The following CTBP2 variants were observed in gnomAD, a reference collection of about 807,000 sequenced individuals.
The protein encoded by CTBP2 is C-terminal binding protein 2.
A neutral mutation model predicts 80.3 loss-of-function variants in CTBP2; 30 were observed. That is an observed-to-expected ratio of 0.37 (90% CI 0.28 to 0.51). The LOEUF (loss-of-function observed/expected upper bound fraction) is 0.51, where lower values mean the gene tolerates loss of function less well. CTBP2 is among the 20% of genes least tolerant of loss of function. The pLI is 0.93. For synonymous variants in CTBP2, 594 were observed against 587.4 expected (o/e 1.01, Z -0.16); for missense variants, 1,212 against 1,375.3 (o/e 0.88, Z 1.88).
intron 2 of CTBP2, among the ~76,000 whole-genome samples, chr10:125,108,162 C>T (rs772366208): frequency 9.9e-5 from 15 of 152,152 alleles, no homozygotes; most frequent in African/African-American, 3.4e-4. Context: ...AACATGCATC[C>T]GATCTAAATT....
chr10:125,157,405 AAG>A (rs1861119736), intron 1 of CTBP2, among the ~76,000 whole-genome samples: 1 of 140,900 alleles, frequency 7.1e-6, no homozygotes, highest in Non-Finnish European at 1.6e-5. Context: ...AAAAAAAAAA[AAG>A]AGCGGGGGGG....
intron 2 of CTBP2, among the ~76,000 whole-genome samples, chr10:125,092,794 T>C (rs1395977581): frequency 1.3e-5 from 2 of 152,040 alleles, no homozygotes; most frequent in African/African-American, 4.8e-5. Flanking sequence ...GGCACTGGCT[T>C]ACGTTTAGGA....
Position 124,989,301 on chromosome 10 carries a change from G to A in CTBP2, c.*217C>T, listed in dbSNP as rs905955766. ...AACTTAACACACAATAACAGAAGTT[G>A]GTCGTTAATAAATCACATCCTAGTC... is the stretch of plus-strand genomic sequence containing the variant. On this transcript the variant is annotated 3_prime_UTR_variant, in exon 9 of 9. Coordinates refer to ENST00000309035, the MANE Select transcript of CTBP2 (RefSeq NM_022802.3). 5.2e-6 allele frequency: 3 copies of A among 575,430 alleles called. No individual in the cohort carries two copies. The African/African-American group carries it at 5.7e-5, about 11-fold the overall frequency. 35.6% of individuals were successfully genotyped at this position (575,430 alleles called of 1,614,324 possible). A position where few individuals can be genotyped will look rare whatever the true frequency, so the allele number is the denominator to read the frequency against.
At chr10:125,161,364 C>T (rs1000115541), upstream of CTBP2, among the ~76,000 whole-genome samples, 2 of 152,042 alleles carry the variant, frequency 1.3e-5, no homozygotes, top group Non-Finnish European at 2.9e-5. Context: ...CCTTCATCCT[C>T]CTCCGCCCCT....
At chr10:125,057,209 C>A (rs546476663) in intron 2 of CTBP2, among the ~76,000 whole-genome samples, 93 of 152,318 alleles carry the variant, frequency 6.1e-4, no homozygotes, top group African/African-American at 2.2e-3. Flanking sequence ...CTGATGAGGT[C>A]AGCGAGTAGA....
rs1481564788 is a variant in CTBP2, at chr10:124,987,652, G to GTGTT, written c.*1862_*1865dup. On this transcript the variant is annotated 3_prime_UTR_variant, in exon 9 of 9. Coordinates refer to ENST00000309035, the MANE Select transcript of CTBP2 (RefSeq NM_022802.3). ...GCGCCGTCTCTCTCCATGTGAGCTT[G>GTGTT]TGTTAATAGACACTTTTATGGTAGA... 3 of 152,264 alleles carry GTGTT rather than the reference G, an allele frequency of 2.0e-5. No homozygotes were observed. The highest frequency in any genetic ancestry group is 6.5e-5 in the Admixed American group (1 of 15,288). The allele number at this position is 152,264 out of a possible 1,614,324, so 9.4% of individuals were successfully genotyped here.
At chr10:125,098,700 G>GAGACAGAGAGAGAGAGAGAGAGAC (rs1564914042) in intron 2 of CTBP2, among the ~76,000 whole-genome samples, 1 of 84,902 alleles carries the variant, frequency 1.2e-5, no homozygotes, top group African/African-American at 4.5e-5. Flanking sequence ...GAGAGAGAGA[G>GAGACAGAGAGAGAGAGAGAGAGAC]AGAGAGACAG....
intron 8 of CTBP2, among the ~76,000 whole-genome samples, chr10:124,991,949 ACC>A (rs938512130): frequency 1.3e-5 from 2 of 151,166 alleles, no homozygotes; most frequent in African/African-American, 4.9e-5. Context: ...CACAAAAGGA[ACC>A]CCTTCTCCCT....
intron 1 of CTBP2, among the ~76,000 whole-genome samples, chr10:125,113,192 A>T (rs978337446): frequency 2.0e-5 from 3 of 152,248 alleles, no homozygotes; most frequent in African/African-American, 7.2e-5. Context: ...GGACAAGCAT[A>T]GCTTTTCAGT....
chr10:125,159,988 A>C (rs1355467170), intron 1 of CTBP2: 1 of 148,984 alleles, frequency 6.7e-6, no homozygotes, highest in African/African-American at 2.5e-5. Flanking sequence ...CCTGATGGGA[A>C]GGAAGGTGAC....
chr10:125,120,497 T>C (rs1854134671), intron 1 of CTBP2, among the ~76,000 whole-genome samples: 1 of 152,172 alleles, frequency 6.6e-6, no homozygotes, highest in East Asian at 1.9e-4. Context: ...AGTGATTCTC[T>C]TGCCTCAGCC....
intron 1 of CTBP2, among the ~76,000 whole-genome samples, chr10:125,016,689 G>A (rs11593145): frequency 0.088 from 13,331 of 152,310 alleles, 737 homozygotes; most frequent in Admixed American, 0.17. Flanking sequence ...GGCCAAGAGC[G>A]CTGCGCCCAG....
chr10:124,997,895 C>T lies in CTBP2; in HGVS notation c.2185+69G>A, dbSNP rs192766874. ...AAGAGCAGGCTGGGGTTGCCTTTCC[C>T]GAGGGGTCCCCACTACACCAGCCCC... On this transcript the variant is annotated intron_variant, in intron 4 of 8. Coordinates refer to ENST00000309035, the MANE Select transcript of CTBP2 (RefSeq NM_022802.3). The T allele has an allele frequency of 4.6e-5, 70 of 1,522,008 alleles. 1 individual carries two copies. The highest frequency in any genetic ancestry group is 4.5e-4 in the African/African-American group (33 of 73,470). 94.3% of individuals were successfully genotyped at this position (1,522,008 alleles called of 1,614,324 possible).
At chr10:125,058,742 A>C (rs1012464035) in intron 2 of CTBP2, among the ~76,000 whole-genome samples, 25 of 152,254 alleles carry the variant, frequency 1.6e-4, no homozygotes, top group African/African-American at 6.0e-4. Flanking sequence ...AAAAATACAA[A>C]AATTAGCCAG....
chr10:125,160,741 C>T, upstream of CTBP2: 1 of 121,016 alleles, frequency 8.3e-6, no homozygotes, highest in African/African-American at 3.2e-5. Context: ...CAATTCCCCC[C>T]GCGTCCCGGC....
rs1459844912 is a variant in CTBP2 at position 125,142,015 on chromosome 10, T to G, written c.-206+18304A>C. 2.0e-5 allele frequency among the ~76,000 whole-genome samples: 3 copies of G among 151,970 alleles called. No individual in the cohort carries two copies. The East Asian group carries it at 5.8e-4, about 29-fold the overall frequency. ...TCCAAGAGGGGCTGGTGGGACACAG[T>G]GTGGAGAGGCAGCTGTTGTGAGTGT... On this transcript the variant is annotated intron_variant, in intron 1 of 10. Transcript: ENST00000337195.
chr10:125,036,674 T>G (rs1421296557), intron 3 of CTBP2, among the ~76,000 whole-genome samples: 10 of 25,930 alleles, frequency 3.9e-4, no homozygotes, highest in South Asian at 2.4e-3. Context: ...AGGGGGTGTG[T>G]GTGTGTGTGT....
At chr10:125,074,926 C>T (rs983610127) in intron 2 of CTBP2, among the ~76,000 whole-genome samples, 1 of 152,212 alleles carries the variant, frequency 6.6e-6, no homozygotes, top group Admixed American at 6.5e-5. Flanking sequence ...TGAGTCCTAC[C>T]TTGACTACGA....
chr10:125,097,490 C>A (rs570794030), intron 2 of CTBP2, among the ~76,000 whole-genome samples: 49 of 152,274 alleles, frequency 3.2e-4, no homozygotes, highest in African/African-American at 1.2e-3. Context: ...AGCCGCACTC[C>A]TCAAAGCCAA....
Sources: gnomAD v4.1 joint callset for allele counts (sites outside exome capture counted in the v4.1 genomes callset) on GRCh38, gnomAD v4.1.1 for gene constraint, MANE v1.5 for transcripts, NCBI Gene and HGNC (gene_info 2026-07-23, HGNC 2026-07-21) for gene names.